The following ARHGAP15 variants were observed in gnomAD, a reference collection of about 807,000 sequenced individuals.
ARHGAP15 encodes Rho GTPase activating protein 15.
In ARHGAP15, 51 loss-of-function variants were observed where a neutral mutation model predicts 63.7. The ratio of observed to expected loss-of-function variants is 0.80; its 90% CI spans 0.64 to 1.01. The LOEUF (loss-of-function observed/expected upper bound fraction) is 1.01. ARHGAP15 is among the 50% of genes least tolerant of loss of function. The pLI, the probability that ARHGAP15 is intolerant of heterozygous loss-of-function variation, is 0.00. For missense variants in ARHGAP15, 560 were observed against 564.6 expected (o/e 0.99, Z 0.08); for synonymous variants, 191 against 193.8 (o/e 0.99, Z 0.12).
rs1689642903 is a variant in ARHGAP15 at position 143,437,013 on chromosome 2, A to T, written c.674A>T (p.Glu225Val). 1 of 1,604,300 alleles carries T rather than the reference A, an allele frequency of 6.2e-7. No homozygotes were observed. Among genetic ancestry groups the T allele is most frequent in the Admixed American group, 1.7e-5 (1 of 57,294 alleles). Residue 225 changes from glutamate to valine, a missense_variant, in exon 8 of 14, where the codon GAA becomes GTA. Physicochemically the swap from Glu to Val is moderately radical, Grantham distance 121 (BLOSUM62 -2). Coordinates refer to ENST00000295095, the MANE Select transcript of ARHGAP15 (RefSeq NM_018460.4). Reference protein sequence around the residue: ...LLSHYDSDIKEQKPEHRKSLM... With the variant: ...LLSHYDSDIKVQKPEHRKSLM... ...AGTCACTACGACAGTGATATAAAAG[A>T]ACAGAAACCAGAGCACAGAAAATCT...
chr2:143,317,677 C>T (rs78271703), intron 6 of ARHGAP15, among the ~76,000 whole-genome samples: 1,707 of 152,212 alleles, frequency 0.011, 30 homozygotes, highest in South Asian at 0.095. Context: ...GGAATTTGTA[C>T]TGTATTCTGT....
chr2:143,489,614 C>T (rs1692489039), intron 9 of ARHGAP15, among the ~76,000 whole-genome samples: 1 of 152,000 alleles, frequency 6.6e-6, no homozygotes, highest in Admixed American at 6.6e-5. Context: ...ACACTTAGTA[C>T]TTTAATCCAT....
rs745594248 is a variant in ARHGAP15, at chr2:143,703,461, T to C, written c.1181T>C (p.Leu394Pro). ...ACAAGAATTGAAGCTGTAAAATCTC[T>C]TGTACAAAAACTCCCTCCGCCAAAT... ...NNTRIEAVKS[L>P]VQKLPPPNRD... The change falls in exon 13 of 14, where the codon CTT becomes CCT. Residue 394 changes from leucine to proline, a missense_variant. By Grantham distance (98) the Leu-to-Pro change is moderately conservative. Transcript: ENST00000295095. The C allele has an allele frequency of 2.5e-6, 4 of 1,612,422 alleles. No homozygotes were observed. The highest frequency in any genetic ancestry group is 2.5e-6 in the Non-Finnish European group (3 of 1,179,380).
intron 6 of ARHGAP15, among the ~76,000 whole-genome samples, chr2:143,301,163 C>T (rs1276144688): frequency 6.6e-6 from 1 of 151,708 alleles, no homozygotes; most frequent in Non-Finnish European, 1.5e-5. Context: ...ACCCAAACAC[C>T]AAGAATATAT....
chr2:143,614,892 G>A (rs1014169701), intron 11 of ARHGAP15, among the ~76,000 whole-genome samples: 2 of 152,180 alleles, frequency 1.3e-5, no homozygotes, highest in Non-Finnish European at 2.9e-5. Context: ...GGCAGAGACC[G>A]GGAATTGGTG....
At chr2:143,527,050 C>A (rs1044905399) in intron 10 of ARHGAP15, among the ~76,000 whole-genome samples, 2 of 151,740 alleles carry the variant, frequency 1.3e-5, no homozygotes, top group Non-Finnish European at 2.9e-5. Context: ...TAAATGAAAC[C>A]CAAATATTAT....
At chr2:143,172,709 C>T (rs1411582490) in intron 2 of ARHGAP15, among the ~76,000 whole-genome samples, 1 of 151,984 alleles carries the variant, frequency 6.6e-6, no homozygotes, top group Non-Finnish European at 1.5e-5. Context: ...AACCAAATAT[C>T]ACAGGGATCT....
At chr2:143,204,280 A>C (rs1188102782) in intron 3 of ARHGAP15, among the ~76,000 whole-genome samples, 1 of 152,060 alleles carries the variant, frequency 6.6e-6, no homozygotes. Flanking sequence ...TTTGTTTCTT[A>C]TCTTAGTCAG....
rs529771814 is a variant in ARHGAP15, at chr2:143,458,607, A to G, written c.703+21565A>G. On this transcript the variant is annotated intron_variant, in intron 8 of 13. Coordinates refer to ENST00000295095, the MANE Select transcript of ARHGAP15 (RefSeq NM_018460.4). ...TTGAAAATGGACTCTTCAAATGGGG[A>G]ACTTGAGAACTCTGGCTCTTGTCAA... is the stretch of plus-strand genomic sequence containing the variant. 2.6e-5 allele frequency among the ~76,000 whole-genome samples: 4 copies of G among 152,240 alleles called. No individual in the cohort carries two copies. The South Asian group carries it at 8.3e-4, about 32-fold the overall frequency.
intron 6 of ARHGAP15, among the ~76,000 whole-genome samples, chr2:143,356,775 T>C (rs754346046): frequency 1.2e-4 from 19 of 152,182 alleles, no homozygotes; most frequent in Non-Finnish European, 2.5e-4. Flanking sequence ...AATATGATAT[T>C]TTGAACACTT....
At chr2:143,369,885 C>T (rs926590503) in intron 6 of ARHGAP15, among the ~76,000 whole-genome samples, 2 of 152,068 alleles carry the variant, frequency 1.3e-5, no homozygotes. Context: ...AATTGAATTT[C>T]CAGGAAGTTA....
At chr2:143,450,201 G>C (rs1207070349) in intron 8 of ARHGAP15, among the ~76,000 whole-genome samples, 4 of 148,368 alleles carry the variant, frequency 2.7e-5, no homozygotes, top group Non-Finnish European at 5.9e-5. Context: ...GATTTCCACG[G>C]AAGGGTTTGG....
intron 12 of ARHGAP15, among the ~76,000 whole-genome samples, chr2:143,697,190 C>G (rs1301093226): frequency 6.6e-6 from 1 of 152,062 alleles, no homozygotes; most frequent in Non-Finnish European, 1.5e-5. Flanking sequence ...ATTTACAAAG[C>G]TACAACATAC....
In ARHGAP15 at chr2:143,421,947, C is replaced by A. The variant is rs143827938; in HGVS notation, c.475-13654C>A. ...AGGTACTGATTGGCAATGATTACTT[C>A]TTAACATGTTTCATGAACAAAAATG... On this transcript the variant is annotated intron_variant, in intron 6 of 13. Coordinates refer to ENST00000295095, the MANE Select transcript of ARHGAP15 (RefSeq NM_018460.4). Among the ~76,000 whole-genome samples, 260 of 152,110 alleles carry A rather than the reference C, an allele frequency of 1.7e-3. 1 individual carries two copies. Among genetic ancestry groups the A allele is most frequent in the African/African-American group, 6.2e-3 (258 of 41,528 alleles).
chr2:143,424,158 A>C (rs1360442023), intron 6 of ARHGAP15, among the ~76,000 whole-genome samples: 1 of 152,054 alleles, frequency 6.6e-6, no homozygotes, highest in Non-Finnish European at 1.5e-5. Context: ...CCCTATCTCC[A>C]GGGTCTGATT....
intron 12 of ARHGAP15, among the ~76,000 whole-genome samples, chr2:143,653,646 T>G (rs1263177292): frequency 2.6e-5 from 4 of 152,094 alleles, no homozygotes; most frequent in Non-Finnish European, 5.9e-5. Context: ...GATTAAAACT[T>G]AAGAAACATG....
At chr2:143,472,919 C>T (rs1043015422) in intron 8 of ARHGAP15, among the ~76,000 whole-genome samples, 4 of 152,136 alleles carry the variant, frequency 2.6e-5, no homozygotes, top group African/African-American at 4.8e-5. Flanking sequence ...TCTCTTAATG[C>T]GCAAGCCTGT....
intron 3 of ARHGAP15, among the ~76,000 whole-genome samples, chr2:143,211,228 A>C (rs1455974364): frequency 6.6e-6 from 1 of 152,056 alleles, no homozygotes; most frequent in African/African-American, 2.4e-5. Flanking sequence ...TGAGTTCCAA[A>C]GAGAAAGAGT....
intron 1 of ARHGAP15, among the ~76,000 whole-genome samples, chr2:143,138,701 C>A (rs1455261705): frequency 6.6e-6 from 1 of 152,036 alleles, no homozygotes; most frequent in Non-Finnish European, 1.5e-5. Context: ...CTTAGATCCA[C>A]CTATCCAATA....
Sources: allele counts gnomAD v4.1 joint callset (sites outside exome capture counted in the v4.1 genomes callset), GRCh38; gene constraint gnomAD v4.1.1; transcripts MANE v1.5; gene names NCBI Gene and HGNC (gene_info 2026-07-23, HGNC 2026-07-21).